The following MACROD2 variants were observed in gnomAD, a reference collection of about 807,000 sequenced individuals.
MACROD2 encodes the protein ADP-ribose glycohydrolase MACROD2.
Under a neutral mutation model 70.4 loss-of-function variants are expected in MACROD2, and 36 were observed. That is an observed-to-expected ratio of 0.51 (90% CI 0.39 to 0.68). MACROD2 has a LOEUF of 0.68. Ranked by LOEUF, MACROD2 falls within the 30% of genes least tolerant of loss-of-function variation. The pLI is 0.00. For missense variants in MACROD2, 496 were observed against 538.4 expected (o/e 0.92, Z 0.78); for synonymous variants, 172 against 178.8 (o/e 0.96, Z 0.30).
chr20:14,545,445 A>C (rs1261315448), intron 4 of MACROD2, among the ~76,000 whole-genome samples: 2 of 152,174 alleles, frequency 1.3e-5, no homozygotes, highest in African/African-American at 4.8e-5. Flanking sequence ...AAAGGTCATG[A>C]GCAGAAGGAA....
At chr20:14,576,948 A>G (rs1277292063) in intron 4 of MACROD2, among the ~76,000 whole-genome samples, 1 of 152,218 alleles carries the variant, frequency 6.6e-6, no homozygotes, top group Non-Finnish European at 1.5e-5. Flanking sequence ...AATAGTAGTC[A>G]TGAGTTTGAA....
intron 10 of MACROD2, among the ~76,000 whole-genome samples, chr20:15,906,820 A>G (rs2065154461): frequency 6.6e-6 from 1 of 152,212 alleles, no homozygotes; most frequent in African/African-American, 2.4e-5. Flanking sequence ...ACTATCACAG[A>G]AGTGATACTG....
intron 6 of MACROD2, among the ~76,000 whole-genome samples, chr20:15,308,906 T>C (rs577141516): frequency 6.6e-6 from 1 of 152,192 alleles, no homozygotes; most frequent in Non-Finnish European, 1.5e-5. Flanking sequence ...CCTTGTGCTT[T>C]GCTGTTCTCC....
chr20:15,904,820 G>T (rs2065120053), intron 10 of MACROD2, among the ~76,000 whole-genome samples: 1 of 149,350 alleles, frequency 6.7e-6, no homozygotes, highest in Non-Finnish European at 1.5e-5. Context: ...GGCGGAGCTT[G>T]CAGTGAGCCA....
At chr20:14,132,145 A>AG (rs1428125588) in intron 3 of MACROD2, among the ~76,000 whole-genome samples, 1 of 151,172 alleles carries the variant, frequency 6.6e-6, no homozygotes, top group Non-Finnish European at 1.5e-5. Context: ...AAAAAAAAAA[A>AG]AAAGATTCTC....
intron 4 of MACROD2, among the ~76,000 whole-genome samples, chr20:14,501,717 G>A (rs915998019): frequency 1.3e-5 from 2 of 152,048 alleles, no homozygotes; most frequent in African/African-American, 4.8e-5. Context: ...TCAAAGATAG[G>A]AATTAAAGGT....
At chr20:15,284,720 C>T (rs1412375082) in intron 6 of MACROD2, among the ~76,000 whole-genome samples, 1 of 152,104 alleles carries the variant, frequency 6.6e-6, no homozygotes, top group Non-Finnish European at 1.5e-5. Context: ...CCAGTAGTTA[C>T]TCCGATAGAA....
chr20:15,297,004 C>T (rs1244707210), intron 6 of MACROD2, among the ~76,000 whole-genome samples: 3 of 152,162 alleles, frequency 2.0e-5, no homozygotes, highest in Admixed American at 2.0e-4. Flanking sequence ...CTTCATTTCC[C>T]TGGTCCCCTG....
chr20:15,172,108 C>T (rs1278571197), intron 5 of MACROD2, among the ~76,000 whole-genome samples: 1 of 152,056 alleles, frequency 6.6e-6, no homozygotes, highest in African/African-American at 2.4e-5. Flanking sequence ...TTTTTGAGAT[C>T]AATCATAGGA....
At position 14,466,783 on chromosome 20, in the gene MACROD2, G is replaced by T. The variant is rs541879298; in HGVS notation, c.272-26696G>T. Among the ~76,000 whole-genome samples, 14 of 152,180 alleles carry T rather than the reference G, an allele frequency of 9.2e-5. No individual in the cohort carries two copies. In the South Asian group the frequency reaches 1.0e-3, roughly 11 times the overall value. Reference sequence around the variant, plus strand: ...GACCCTCAGCTGCAGGTCTGTTGGAGTTTTCTGGAGGTCCACTCCAGACCC... The same window carrying T: ...GACCCTCAGCTGCAGGTCTGTTGGATTTTTCTGGAGGTCCACTCCAGACCC... On this transcript the variant is annotated intron_variant, in intron 3 of 17. Transcript: ENST00000684519.
chr20:14,151,040 C>A (rs187165699), intron 3 of MACROD2, among the ~76,000 whole-genome samples: 3 of 152,266 alleles, frequency 2.0e-5, no homozygotes, highest in African/African-American at 7.2e-5. Flanking sequence ...GCTTTCTTCC[C>A]AGAGGAACAG....
intron 8 of MACROD2, among the ~76,000 whole-genome samples, chr20:15,830,364 G>A (rs1024967381): frequency 1.3e-5 from 2 of 152,188 alleles, no homozygotes; most frequent in South Asian, 2.1e-4. Context: ...GTATAACTCC[G>A]ATCTTCCATA....
intron 5 of MACROD2, among the ~76,000 whole-genome samples, chr20:15,173,175 A>C (rs1237103094): frequency 6.6e-6 from 1 of 151,718 alleles, no homozygotes; most frequent in Non-Finnish European, 1.5e-5. Flanking sequence ...GACTCAAAGA[A>C]ATTATCCATT....
At chr20:16,035,118 A>ATATTAT (rs1401921763) in intron 15 of MACROD2, among the ~76,000 whole-genome samples, 43,176 of 77,294 alleles carry the variant, frequency 0.56, 9,174 homozygotes, top group East Asian at 0.68. Flanking sequence ...TATAAAATAT[A>ATATTAT]ATATAAAATA....
intron 8 of MACROD2, among the ~76,000 whole-genome samples, chr20:15,660,956 C>A (rs183310074): frequency 2.0e-5 from 3 of 152,236 alleles, no homozygotes; most frequent in Admixed American, 2.0e-4. Flanking sequence ...TTGATCTAAT[C>A]ATTTGCATCT....
intron 3 of MACROD2, among the ~76,000 whole-genome samples, chr20:14,353,787 C>A (rs2083146592): frequency 6.6e-6 from 1 of 151,984 alleles, no homozygotes; most frequent in African/African-American, 2.4e-5. Flanking sequence ...TAGCTACATT[C>A]TTTCATGTTT....
intron 3 of MACROD2, among the ~76,000 whole-genome samples, chr20:14,287,672 G>C (rs1473693074): frequency 6.6e-6 from 1 of 152,104 alleles, no homozygotes; most frequent in Non-Finnish European, 1.5e-5. Flanking sequence ...TTCCCACAAG[G>C]CTGCAATCAA....
At chr20:14,591,532 C>T (rs1383595749) in intron 4 of MACROD2, among the ~76,000 whole-genome samples, 1 of 152,172 alleles carries the variant, frequency 6.6e-6, no homozygotes, top group Non-Finnish European at 1.5e-5. Context: ...AATCTGGCCA[C>T]CTCTAGTTCA....
chr20:15,486,927 C>A (rs774354977), intron 7 of MACROD2, among the ~76,000 whole-genome samples: 2 of 152,296 alleles, frequency 1.3e-5, no homozygotes, highest in Middle Eastern at 6.8e-3. Context: ...TACAAGACTG[C>A]GGGTTGGCTG....
Sources: allele counts gnomAD v4.1 joint callset (sites outside exome capture counted in the v4.1 genomes callset), GRCh38; gene constraint gnomAD v4.1.1; transcripts MANE v1.5; gene names NCBI Gene and HGNC (gene_info 2026-07-23, HGNC 2026-07-21).